The following ZNF362 variants were observed in gnomAD, a reference collection of about 807,000 sequenced individuals.
ZNF362 encodes the protein zinc finger protein 362.
In ZNF362, 11 loss-of-function variants were observed where a neutral mutation model predicts 42.9. That is an observed-to-expected ratio of 0.26 (90% CI 0.16 to 0.42). The LOEUF is 0.42. Ranked by LOEUF, ZNF362 falls within the 20% of genes least tolerant of loss-of-function variation. ZNF362 has a pLI of 1.00. For missense variants in ZNF362, 362 were observed against 576.2 expected (o/e 0.63, Z 3.81); for synonymous variants, 255 against 257.3 (o/e 0.99, Z 0.09).
chr1:33,175,474 C>T, the ZNF362 span, among the ~76,000 whole-genome samples: 4 of 152,150 alleles, frequency 2.6e-5, no homozygotes, highest in African/African-American at 4.8e-5. Context: ...TGGACTGAGT[C>T]GGGAGAGCTG....
the ZNF362 span, among the ~76,000 whole-genome samples, chr1:33,226,990 T>A: frequency 4.6e-5 from 7 of 152,158 alleles, no homozygotes; most frequent in South Asian, 1.2e-3. Context: ...CCTGAAGATA[T>A]AAAGTAGATT....
the ZNF362 span, among the ~76,000 whole-genome samples, chr1:33,247,691 C>G: frequency 1.3e-5 from 2 of 152,354 alleles, no homozygotes; most frequent in South Asian, 2.1e-4. Flanking sequence ...CTCTGGCAGT[C>G]CCCGGGCCAG....
the ZNF362 span, among the ~76,000 whole-genome samples, chr1:33,155,581 G>A: frequency 5.9e-5 from 9 of 152,184 alleles, no homozygotes; most frequent in African/African-American, 2.2e-4. Context: ...CACAGGCTCT[G>A]GGGCCCGACG....
At chr1:33,165,524 G>A in the ZNF362 span, 2 of 1,610,612 alleles carry the variant, frequency 1.2e-6, no homozygotes, top group Non-Finnish European at 1.7e-6. This position sits in a 1 kb window ranked among gnomAD's most constrained non-coding sequence, Gnocchi z 4.0. Context: ...GTGTGTTCCC[G>A]CTCGCTGTCT....
At chr1:33,230,762 GT>G in the ZNF362 span, among the ~76,000 whole-genome samples, 6 of 152,326 alleles carry the variant, frequency 3.9e-5, no homozygotes, top group African/African-American at 1.4e-4. Context: ...GTTTTGCTTT[GT>G]TTATCCAAAC....
intron 1 of ZNF362, among the ~76,000 whole-genome samples, chr1:33,258,436 C>T (rs113656261): frequency 8.5e-4 from 129 of 152,230 alleles, no homozygotes; most frequent in African/African-American, 2.9e-3. Context: ...AAGCCAGAGT[C>T]GGGGGTTGAA....
the ZNF362 span, among the ~76,000 whole-genome samples, chr1:33,158,094 T>A: frequency 6.6e-6 from 1 of 152,186 alleles, no homozygotes; most frequent in African/African-American, 2.4e-5. Flanking sequence ...AGCTGAGTGA[T>A]TGTGCAGGTG....
the ZNF362 span, among the ~76,000 whole-genome samples, chr1:33,244,952 T>A: frequency 1.3e-5 from 2 of 152,234 alleles, no homozygotes; most frequent in Non-Finnish European, 2.9e-5. This position sits in a 1 kb window ranked among gnomAD's most constrained non-coding sequence, Gnocchi z 4.0. Flanking sequence ...GCTGACAGAC[T>A]TAGCCAGAGG....
chr1:33,225,830 C>T, the ZNF362 span, among the ~76,000 whole-genome samples: 1 of 152,268 alleles, frequency 6.6e-6, no homozygotes, highest in South Asian at 2.1e-4. Context: ...GATTACTATG[C>T]AGTTTCACAA....
the ZNF362 span, among the ~76,000 whole-genome samples, chr1:33,213,116 G>A: frequency 2.0e-5 from 3 of 152,134 alleles, no homozygotes; most frequent in Non-Finnish European, 4.4e-5. Flanking sequence ...GAGTATGTAT[G>A]TATTATACTA....
the ZNF362 span, among the ~76,000 whole-genome samples, chr1:33,214,933 G>C: frequency 6.6e-6 from 1 of 152,126 alleles, no homozygotes; most frequent in Non-Finnish European, 1.5e-5. Flanking sequence ...AGAGTAGTTT[G>C]AAGGTTCCTC....
chr1:33,173,700 T>TA, the ZNF362 span, among the ~76,000 whole-genome samples: 1 of 150,170 alleles, frequency 6.7e-6, no homozygotes, highest in African/African-American at 2.5e-5. Flanking sequence ...TTTCCCTAAT[T>TA]AAAAAAAATT....
the ZNF362 span, among the ~76,000 whole-genome samples, chr1:33,230,001 C>T: frequency 2.0e-4 from 30 of 152,144 alleles, no homozygotes; most frequent in African/African-American, 7.2e-4. Context: ...GCACTATTTA[C>T]ATTTTGAAGC....
At chr1:33,196,421 A>C in the ZNF362 span, among the ~76,000 whole-genome samples, 1 of 152,084 alleles carries the variant, frequency 6.6e-6, no homozygotes, top group Admixed American at 6.6e-5. Context: ...AAAAACAAAG[A>C]CACAAACATA....
the ZNF362 span, among the ~76,000 whole-genome samples, chr1:33,244,976 C>G: frequency 2.3e-4 from 35 of 152,354 alleles, no homozygotes; most frequent in East Asian, 6.4e-3. The surrounding 1 kb of genome is among the most constrained non-coding windows in gnomAD (Gnocchi z 4.0). Context: ...CAGCCCTCAG[C>G]TCTGCAGAAG....
the ZNF362 span, among the ~76,000 whole-genome samples, chr1:33,202,594 T>TAAAA: frequency 1.5e-5 from 2 of 137,416 alleles, no homozygotes; most frequent in Non-Finnish European, 3.1e-5. Context: ...CGAGACTCCA[T>TAAAA]AAAAAAAAAA....
In ZNF362 at chr1:33,280,069, T is replaced by C. The variant is rs1645980176; in HGVS notation, c.350-55T>C. The C allele has an allele frequency of 6.6e-7, 1 of 1,504,630 alleles. No individual in the cohort carries two copies. 93.2% of individuals were successfully genotyped at this position (1,504,630 alleles called of 1,614,324 possible). A position where few individuals can be genotyped will look rare whatever the true frequency, so the allele number is the denominator to read the frequency against. ...AAAATCACATAGCTGGGTGGGCAGCTGAGCTGGCCTCTGCAGCTCCGCTCA... is the reference window on the plus strand; with the variant it reads ...AAAATCACATAGCTGGGTGGGCAGCCGAGCTGGCCTCTGCAGCTCCGCTCA... On this transcript the variant is annotated intron_variant, in intron 4 of 8. Coordinates refer to ENST00000539719, the MANE Select transcript of ZNF362 (RefSeq NM_152493.3). The surrounding 1 kb of genome is among the most constrained non-coding windows in gnomAD (Gnocchi z 5.6).
the ZNF362 span, among the ~76,000 whole-genome samples, chr1:33,216,685 T>C: frequency 2.0e-5 from 3 of 150,668 alleles, no homozygotes; most frequent in Non-Finnish European, 2.9e-5. Flanking sequence ...AACATTTATT[T>C]AGGATGATTT....
the ZNF362 span, among the ~76,000 whole-genome samples, chr1:33,137,941 C>T: frequency 2.0e-5 from 3 of 152,168 alleles, no homozygotes; most frequent in Admixed American, 6.5e-5. Flanking sequence ...GCAGCAGAGC[C>T]GAGGAGCTGA....
Sources: allele counts gnomAD v4.1 joint callset (sites outside exome capture counted in the v4.1 genomes callset), GRCh38; gene constraint gnomAD v4.1.1; non-coding constraint Gnocchi (gnomAD v3.1); transcripts MANE v1.5; gene names NCBI Gene and HGNC (gene_info 2026-07-23, HGNC 2026-07-21).